ELP4: variants seen among roughly 807,000 people sequenced by gnomAD.
ELP4 encodes elongator complex protein 4.
ELP4 carries 51 observed loss-of-function variants against 48.9 expected under a neutral mutation model. That is an observed-to-expected ratio of 1.04 (90% CI 0.83 to 1.32). ELP4 has a LOEUF of 1.32. ELP4 is among the 40% of genes most tolerant of loss of function. ELP4 has a pLI of 0.00. For synonymous variants in ELP4, 210 were observed against 189.2 expected (o/e 1.11, Z -0.90); for missense variants, 519 against 514.6 (o/e 1.01, Z -0.08).
At chr11:31,738,703 T>C (rs1947377963) in intron 9 of ELP4, among the ~76,000 whole-genome samples, 1 of 151,916 alleles carries the variant, frequency 6.6e-6, no homozygotes, top group Non-Finnish European at 1.5e-5. Flanking sequence ...ATCGTGCCAC[T>C]GTACTATAGC....
intron 5 of ELP4, 41 bp from the exon 6 acceptor site, chr11:31,627,069 A>G (rs1218745958): frequency 1.8e-6 from 2 of 1,119,440 alleles, no homozygotes; most frequent in Non-Finnish European, 1.4e-6. Context: ...TTCTTATGTA[A>G]TAACCCATTT....
intron 5 of ELP4, among the ~76,000 whole-genome samples, chr11:31,617,415 G>C (rs1023468097): frequency 1.3e-5 from 2 of 152,000 alleles, no homozygotes; most frequent in African/African-American, 2.4e-5. Flanking sequence ...GTTACCAGGG[G>C]TTGAGGGAAA....
chr11:31,541,008 AATTTAAGACATT>A (rs1956582168), intron 3 of ELP4, among the ~76,000 whole-genome samples: 1 of 152,206 alleles, frequency 6.6e-6, no homozygotes, highest in East Asian at 1.9e-4. Context: ...ACAGAATCCT[AATTTAAGACATT>A]ATTTGAATAG....
Position 31,603,013 on chromosome 11 carries a change from C to T in ELP4, c.514-755C>T, listed in dbSNP as rs1957810269. 2.0e-5 allele frequency among the ~76,000 whole-genome samples: 3 copies of T among 151,876 alleles called. No individual in the cohort carries two copies. In the South Asian group the frequency reaches 6.2e-4, roughly 31 times the overall value. Reference sequence around the variant, plus strand: ...TGTTATGTTAGTAGACTTTTGCTATCCCATATAAATAAATTCAGTGTCATA... The same window carrying T: ...TGTTATGTTAGTAGACTTTTGCTATTCCATATAAATAAATTCAGTGTCATA... On this transcript the variant is annotated intron_variant, in intron 4 of 9. Transcript: ENST00000640961.
intron 9 of ELP4, among the ~76,000 whole-genome samples, chr11:31,753,493 G>A (rs914436915): frequency 6.6e-6 from 1 of 152,176 alleles, no homozygotes; most frequent in African/African-American, 2.4e-5. Context: ...AAGTAAGTTG[G>A]CAAAGAAGTA....
chr11:31,704,672 A>C (rs1024081184), intron 9 of ELP4, among the ~76,000 whole-genome samples: 8 of 152,120 alleles, frequency 5.3e-5, no homozygotes, highest in Non-Finnish European at 1.2e-4. Flanking sequence ...AATAAAAAAT[A>C]AATTTTGATT....
intron 9 of ELP4, among the ~76,000 whole-genome samples, chr11:31,757,050 C>A (rs1412791664): frequency 6.6e-6 from 1 of 152,176 alleles, no homozygotes; most frequent in Non-Finnish European, 1.5e-5. Context: ...AAAAATCATA[C>A]TGAAATATAG....
At chr11:31,711,235 T>C (rs1946737750) in intron 9 of ELP4, among the ~76,000 whole-genome samples, 1 of 152,226 alleles carries the variant, frequency 6.6e-6, no homozygotes. Context: ...AAAACTTATC[T>C]GGGACACTTT....
chr11:31,709,336 T>C (rs1443927332), intron 9 of ELP4, among the ~76,000 whole-genome samples: 1 of 152,176 alleles, frequency 6.6e-6, no homozygotes, highest in Non-Finnish European at 1.5e-5. Context: ...AAGATTAGTC[T>C]TCAGGTGCTA....
chr11:31,735,305 G>A (rs1401375544), intron 9 of ELP4, among the ~76,000 whole-genome samples: 2 of 151,966 alleles, frequency 1.3e-5, no homozygotes, highest in African/African-American at 2.4e-5. Flanking sequence ...GAGAAAAGCT[G>A]TATGACATTG....
rs1028970549 is a variant in ELP4, at chr11:31,787,762, T to C, written c.*4238T>C. On this transcript the variant is annotated 3_prime_UTR_variant, in exon 10 of 10. Transcript: ENST00000640961. ...AACTCTGGTGGAATAAAATTATTAG[T>C]ATATTTCATGCCGGAGCAATGAATC... The C allele has an allele frequency of 1.3e-5, 3 of 228,744 alleles. No homozygotes were observed. Among genetic ancestry groups the C allele is most frequent in the African/African-American group, 6.6e-5 (3 of 45,132 alleles). The allele number at this position is 228,744 out of a possible 1,614,324, so 14.2% of individuals were successfully genotyped here. A position where few individuals can be genotyped will look rare whatever the true frequency, so the allele number is the denominator to read the frequency against.
At chr11:31,692,684 T>G (rs903976489) in intron 9 of ELP4, among the ~76,000 whole-genome samples, 1 of 152,154 alleles carries the variant, frequency 6.6e-6, no homozygotes, top group African/African-American at 2.4e-5. Context: ...TGTGCTCTAC[T>G]TAATTCCAAT....
In ELP4 at chr11:31,527,895, T is replaced by C. The variant is rs560590898; in HGVS notation, c.259+7804T>C. 1.1e-3 allele frequency among the ~76,000 whole-genome samples: 174 copies of C among 152,226 alleles called. 1 individual carries two copies. The highest frequency in any genetic ancestry group is 3.6e-3 in the African/African-American group (151 of 41,560). On this transcript the variant is annotated intron_variant, in intron 2 of 9. Coordinates refer to ENST00000640961, the MANE Select transcript of ELP4 (RefSeq NM_019040.5). ...CCACTGCTGATTCACTTTAGCCTTC[T>C]CTCTTCTCATCCTCTCACTATTCTT...
intron 3 of ELP4, among the ~76,000 whole-genome samples, chr11:31,574,809 G>T (rs1405926389): frequency 6.6e-6 from 1 of 152,198 alleles, no homozygotes; most frequent in Admixed American, 6.5e-5. Context: ...ACCAAAGGTA[G>T]ATAAAACCAC....
At chr11:31,604,204 T>C (rs1327417098) in intron 5 of ELP4, among the ~76,000 whole-genome samples, 1 of 151,834 alleles carries the variant, frequency 6.6e-6, no homozygotes, top group Non-Finnish European at 1.5e-5. Flanking sequence ...AGAACAGTTC[T>C]AAATCAGAGT....
intron 9 of ELP4, among the ~76,000 whole-genome samples, chr11:31,655,378 GAA>G (rs66609311): frequency 0.033 from 4,885 of 149,848 alleles, 91 homozygotes; most frequent in Non-Finnish European, 0.049. Context: ...GAAGAGATAA[GAA>G]AAAAAAAAAC....
intron 9 of ELP4, among the ~76,000 whole-genome samples, chr11:31,776,568 T>A (rs979773362): frequency 7.2e-5 from 11 of 152,244 alleles, no homozygotes; most frequent in Admixed American, 7.2e-4. Context: ...TTTTCACAAA[T>A]CACACTTTTG....
Position 31,603,854 on chromosome 11 carries a change from G to A in ELP4, c.600G>A (p.Trp200Ter). ...AAGAACTAATTGAGGCTTCAAATTGGCATGGATTTTTTCTTCCAGAGAAAA... is the reference window on the plus strand; with the variant it reads ...AAGAACTAATTGAGGCTTCAAATTGACATGGATTTTTTCTTCCAGAGAAAA... ...MPQELIEASNWHGFFLPEKIS... is the reference protein window; with the variant it reads ...MPQELIEASN The change falls in exon 5 of 10, where the codon TGG becomes TGA. Residue 200 changes from tryptophan (W) to a stop codon, truncating the protein, a stop_gained. Coordinates refer to ENST00000640961, the MANE Select transcript of ELP4 (RefSeq NM_019040.5). LOFTEE classifies it high-confidence loss of function. The A allele has an allele frequency of 6.2e-7, 1 of 1,611,628 alleles. No homozygotes were observed. The highest frequency in any genetic ancestry group is 8.5e-7 in the Non-Finnish European group (1 of 1,178,382).
chr11:31,698,421 A>AT (rs879839086), intron 9 of ELP4, among the ~76,000 whole-genome samples: 4 of 151,412 alleles, frequency 2.6e-5, no homozygotes, highest in Non-Finnish European at 4.4e-5. Flanking sequence ...CCATAGAAAA[A>AT]TTTTTTTTTG....
Sources: allele counts gnomAD v4.1 joint callset (sites outside exome capture counted in the v4.1 genomes callset), GRCh38; gene constraint gnomAD v4.1.1; transcripts MANE v1.5; gene names NCBI Gene and HGNC (gene_info 2026-07-23, HGNC 2026-07-21).